Variants in RAD17 observed in about 807,000 individuals in gnomAD.
RAD17 encodes cell cycle checkpoint protein RAD17.
In RAD17, 31 loss-of-function variants were observed where a neutral mutation model predicts 81.5. The ratio of observed to expected loss-of-function variants is 0.38; its 90% confidence interval spans 0.29 to 0.51. RAD17 has a LOEUF of 0.51. Among genes scored for constraint, RAD17 ranks in the 20% least tolerant of loss-of-function variants. RAD17 has a pLI of 0.88. For missense variants in RAD17, 681 were observed against 781.2 expected, an observed-to-expected ratio of 0.87 and a Z score of 1.53; for synonymous variants, 261 against 266.2, an observed-to-expected ratio of 0.98 and a Z score of 0.19.
chr5:69,384,419 C>G (rs534421119), intron 7 of RAD17, among the ~76,000 whole-genome samples: 3 of 152,174 alleles, frequency 2.0e-5, no homozygotes, highest in South Asian at 4.2e-4. Context: ...CTATTACCCC[C>G]ACCCTCTGCC....
At position 69,373,984 on chromosome 5, in the gene RAD17, G is replaced by A. The variant is rs754555714; in HGVS notation, c.164G>A (p.Arg55Lys). 4.3e-6 allele frequency: 7 copies of A among 1,613,120 alleles called. No homozygotes were observed. Among genetic ancestry groups the A allele is most frequent in the Middle Eastern group, 1.6e-4 (1 of 6,080 alleles). ...LESSRFPARKRGNLSSLEQIY... is the reference protein window; with the variant it reads ...LESSRFPARKKGNLSSLEQIY... The stretch of plus-strand genomic sequence containing the variant: ...AGCAGCAGATTTCCAGCGAGAAAAA[G>A]AGGAAATCTATCTTCCTTAGAACAG... Residue 55 changes from arginine to lysine, a missense_variant, in exon 5 of 19, where the codon AGA becomes AAA. By Grantham distance (26) the Arg-to-Lys change is conservative (BLOSUM62 2). Coordinates refer to ENST00000354868, the MANE Select transcript of RAD17 (RefSeq NM_133338.3).
chr5:69,377,469 A>ATGTATATATATGTATATATGTG (rs1561238856), intron 6 of RAD17, among the ~76,000 whole-genome samples: 73 of 6,030 alleles, frequency 0.012, 16 homozygotes, highest in Non-Finnish European at 0.04. Flanking sequence ...ATATATATAT[A>ATGTATATATATGTATATATGTG]TATATACACA....
Position 69,389,696 on chromosome 5 carries a change from A to G in RAD17, c.1006+551A>G, listed in dbSNP as rs1209859265. Among the ~76,000 whole-genome samples the G allele has an allele frequency of 5.3e-5, 8 of 152,234 alleles. 1 individual carries two copies. The highest frequency in any genetic ancestry group is 5.2e-4 in the Admixed American group (8 of 15,274). ...CGCTCTGCCGCCCGGGCTGGAGTGC[A>G]GTGGCATGATCTTGGCTCACTGCAA... On this transcript the variant is annotated intron_variant, in intron 12 of 18. Coordinates refer to ENST00000354868, the MANE Select transcript of RAD17 (RefSeq NM_133338.3).
In RAD17 at chr5:69,396,401, G is replaced by A. The variant is rs17236478; in HGVS notation, c.1427G>A (p.Arg476His). 19 of 1,607,408 alleles carry A rather than the reference G, an allele frequency of 1.2e-5. No homozygotes were observed. The highest frequency in any genetic ancestry group is 1.5e-5 in the Non-Finnish European group (18 of 1,176,616). Residue 476 changes from arginine (R) to histidine (H), a missense_variant, in exon 16 of 19, where the codon CGC becomes CAC. Transcript: ENST00000354868. ...ACATCTTGTCTCATTTGTTAGACAC[G>A]CTCTTTACTCAGGGAATATAGCACA... ...ADILSGDWNTRSLLREYSTSI... is the reference protein window; with the variant it reads ...ADILSGDWNTHSLLREYSTSI...
rs1267323138 is a variant in RAD17 at position 69,382,004 on chromosome 5, A to AGTCTTGTACTGGAAG, written c.455_456insGTCTTGTACTGGAAG (p.Asn152delinsLysSerCysThrGlySer). Reference sequence around the variant, plus strand: ...GGTATTCAAGTACAAGAGTGGATTAATCCAGTTTTACCAGACTTCCAAAAA... The same window carrying AGTCTTGTACTGGAAG: ...GGTATTCAAGTACAAGAGTGGATTAAGTCTTGTACTGGAAGTCCAGTTTTACCAGACTTCCAAAAA... On this transcript the variant is annotated protein_altering_variant, in exon 7 of 19. Transcript: ENST00000354868. The AGTCTTGTACTGGAAG allele has an allele frequency of 1.2e-6, 2 of 1,611,460 alleles. No homozygotes were observed. Among genetic ancestry groups the AGTCTTGTACTGGAAG allele is most frequent in the Admixed American group, 1.7e-5 (1 of 59,922 alleles).
chr5:69,387,355 C>G (rs1036799042), intron 11 of RAD17, among the ~76,000 whole-genome samples: 18 of 152,134 alleles, frequency 1.2e-4, no homozygotes, highest in Admixed American at 6.5e-5. Flanking sequence ...CCAAATCTTG[C>G]ATGAAACATA....
intron 18 of RAD17, among the ~76,000 whole-genome samples, chr5:69,410,965 CTATATATATATATATA>C (rs1554044686): frequency 1.0e-4 from 9 of 90,250 alleles, no homozygotes; most frequent in African/African-American, 3.5e-4. Context: ...AGATGTCTGT[CTATATATATATATATA>C]TATATATATA....
chr5:69,406,309 A>T (rs1454633503), intron 17 of RAD17, among the ~76,000 whole-genome samples: 1 of 152,208 alleles, frequency 6.6e-6, no homozygotes, highest in Non-Finnish European at 1.5e-5. Flanking sequence ...AATATTGCAT[A>T]TTCTCACTTA....
At chr5:69,371,323 A>G (rs905232523) in intron 2 of RAD17, 131 bp from the exon 3 acceptor site, 7 of 493,750 alleles carry the variant, frequency 1.4e-5, no homozygotes, top group Non-Finnish European at 2.6e-5. Context: ...TATCACTTAA[A>G]TTTACTGTTC....
chr5:69,405,541 C>T (rs1226403119), intron 17 of RAD17, among the ~76,000 whole-genome samples: 2 of 152,046 alleles, frequency 1.3e-5, no homozygotes, highest in Non-Finnish European at 2.9e-5. Flanking sequence ...GTGGCACATG[C>T]CTGTAATCCC....
chr5:69,411,579 C>T (rs1408851690), intron 18 of RAD17, among the ~76,000 whole-genome samples: 1 of 152,090 alleles, frequency 6.6e-6, no homozygotes, highest in Non-Finnish European at 1.5e-5. Context: ...TTCATTAAGG[C>T]CTTTGTAGTG....
intron 16 of RAD17, among the ~76,000 whole-genome samples, chr5:69,399,761 C>T (rs1765139445): frequency 6.6e-6 from 1 of 152,098 alleles, no homozygotes; most frequent in Non-Finnish European, 1.5e-5. Context: ...TGCTCATAAA[C>T]AATTCCTTTG....
chr5:69,373,774 G>C, intron 4 of RAD17, 56 bp from the exon 5 acceptor site: 1 of 1,419,326 alleles, frequency 7.0e-7, no homozygotes, highest in Non-Finnish European at 9.7e-7. Flanking sequence ...TCAGTTATTT[G>C]GGGGAATAGA....
intron 13 of RAD17, chr5:69,392,899 T>C (rs2150835106): frequency 2.1e-6 from 1 of 484,900 alleles, no homozygotes; most frequent in South Asian, 2.1e-5. Flanking sequence ...AAAGGTGAAA[T>C]GGGAGTGCAT....
intron 17 of RAD17, among the ~76,000 whole-genome samples, chr5:69,405,060 A>G (rs1765504349): frequency 6.6e-6 from 1 of 152,232 alleles, no homozygotes; most frequent in South Asian, 2.1e-4. Flanking sequence ...AACCACAATG[A>G]GATATCATAT....
At chr5:69,370,335 C>T (rs868107994) in intron 1 of RAD17, 2 of 152,434 alleles carry the variant, frequency 1.3e-5, no homozygotes, top group South Asian at 2.1e-4. Flanking sequence ...ACCGTGACAA[C>T]AGTCTGCACC....
intron 17 of RAD17, among the ~76,000 whole-genome samples, chr5:69,402,003 C>CAA (rs1173414879): frequency 0.47 from 20,989 of 44,690 alleles, 4,956 homozygotes; most frequent in Non-Finnish European, 0.55. Flanking sequence ...GACTCTGTCT[C>CAA]AAAAAAAAAA....
intron 15 of RAD17, among the ~76,000 whole-genome samples, chr5:69,393,840 G>A (rs1292548631): frequency 6.6e-6 from 1 of 150,418 alleles, no homozygotes; most frequent in East Asian, 1.9e-4. Flanking sequence ...GAAAGTGCTG[G>A]GATTACAAGC....
intron 6 of RAD17, among the ~76,000 whole-genome samples, chr5:69,377,437 G>GTATATATATATA (rs1229779615): frequency 3.9e-5 from 1 of 25,764 alleles, no homozygotes; most frequent in African/African-American, 1.1e-4. Context: ...GTGTGTGTGT[G>GTATATATATATA]TGTATATATA....
Sources: allele counts gnomAD v4.1 joint callset (sites outside exome capture counted in the v4.1 genomes callset), GRCh38; gene constraint gnomAD v4.1.1; transcripts MANE v1.5; gene names NCBI Gene and HGNC (gene_info 2026-07-23, HGNC 2026-07-21).